The following RYR3 variants were observed in gnomAD, a reference collection of about 807,000 sequenced individuals.
The protein encoded by RYR3 is brain ryanodine receptor-calcium release channel.
RYR3 carries 207 observed loss-of-function variants against 584.3 expected under a neutral mutation model. The observed-to-expected ratio is 0.35, with a 90% confidence interval of 0.32 to 0.40. The LOEUF (loss-of-function observed/expected upper bound fraction) is 0.40. Among genes scored for constraint, RYR3 ranks in the 10% least tolerant of loss-of-function variants. RYR3 has a pLI of 1.00. For synonymous variants in RYR3, 2,416 were observed against 2,248.5 expected, an observed-to-expected ratio of 1.07 and a Z score of -2.11; for missense variants, 5,616 against 6,089.2, an observed-to-expected ratio of 0.92 and a Z score of 2.59.
intron 1 of RYR3, among the ~76,000 whole-genome samples, chr15:33,396,429 G>A (rs1007682623): frequency 5.3e-5 from 8 of 152,176 alleles, no homozygotes; most frequent in Non-Finnish European, 7.3e-5. Context: ...CTGCCCACCC[G>A]AGGGACACTT....
At chr15:33,746,532 C>T (rs954079520) in intron 53 of RYR3, among the ~76,000 whole-genome samples, 3 of 152,064 alleles carry the variant, frequency 2.0e-5, no homozygotes, top group Non-Finnish European at 4.4e-5. Flanking sequence ...GGTGTGGTGG[C>T]TCATGCCTGT....
chr15:33,751,769 C>G (rs1270945037), intron 57 of RYR3, among the ~76,000 whole-genome samples: 1 of 152,028 alleles, frequency 6.6e-6, no homozygotes, highest in Non-Finnish European at 1.5e-5. Flanking sequence ...CTTTTGTTGC[C>G]ATTGATTTTG....
At chr15:33,569,248 A>G (rs551629082) in intron 12 of RYR3, among the ~76,000 whole-genome samples, 1 of 152,216 alleles carries the variant, frequency 6.6e-6, no homozygotes, top group African/African-American at 2.4e-5. Flanking sequence ...ATAAATTTGT[A>G]TAACTTTTTG....
In RYR3 at chr15:33,580,051, C is replaced by T. The variant is rs112038923; in HGVS notation, c.1344C>T (p.Ala448=). ...TGCAGACCCTACAGGACTTGATCGC[C>T]TACTTCCAGCCCCCAGAGGAGGAGA... ...EVLQTLQDLI[A]YFQPPEEEMR... Residue 448 remains alanine (A), a synonymous_variant, in exon 13 of 104, where the codon GCC becomes GCT. Coordinates refer to ENST00000634891, the MANE Select transcript of RYR3 (RefSeq NM_001036.6). 35 of 1,613,652 alleles carry T rather than the reference C, an allele frequency of 2.2e-5. No individual in the cohort carries two copies. The highest frequency in any genetic ancestry group is 2.1e-4 in the African/African-American group (16 of 74,914).
In RYR3 at chr15:33,742,652, C is replaced by T. The variant is rs74005979; in HGVS notation, c.7899+208C>T. 8.9e-3 allele frequency among the ~76,000 whole-genome samples: 1,354 copies of T among 152,268 alleles called. 17 individuals carry two copies. Among genetic ancestry groups the T allele is most frequent in the African/African-American group, 0.031 (1,307 of 41,536 alleles). The stretch of plus-strand genomic sequence containing the variant: ...AGCTGCTGGTGTTGCTTTTGTATTT[C>T]TCAAGAAAATGATCAATTCTGGAAG... On this transcript the variant is annotated intron_variant, in intron 52 of 103. Coordinates refer to ENST00000634891, the MANE Select transcript of RYR3 (RefSeq NM_001036.6).
At chr15:33,425,735 G>A (rs568884382) in intron 1 of RYR3, among the ~76,000 whole-genome samples, 180 of 145,556 alleles carry the variant, frequency 1.2e-3, no homozygotes, top group African/African-American at 4.2e-3. Flanking sequence ...TCCGCCTCCC[G>A]GGTTCATGCC....
At position 33,670,477 on chromosome 15, in the gene RYR3, C is replaced by T; in HGVS notation, c.5781C>T (p.Leu1927=). The change falls in exon 38 of 104, where the codon CTC becomes CTT. Residue 1927 remains leucine (L), a synonymous_variant. Transcript: ENST00000634891. The part of the protein sequence containing the change: ...EEEDTSWTGK[L]CALVYKIKGP... ...AGGACACCTCCTGGACAGGAAAACT[C>T]TGTGCCTTGGTTTACAAAATCAAAG... is the stretch of plus-strand genomic sequence containing the variant. The T allele has an allele frequency of 6.2e-7, 1 of 1,611,430 alleles. No homozygotes were observed.
chr15:33,726,731 G>A (rs1392963495), intron 46 of RYR3, among the ~76,000 whole-genome samples: 1 of 152,204 alleles, frequency 6.6e-6, no homozygotes, highest in Middle Eastern at 3.2e-3. Context: ...ATCGACTCCT[G>A]ATTCCTAGCA....
intron 2 of RYR3, among the ~76,000 whole-genome samples, chr15:33,499,717 C>A (rs1207227953): frequency 6.6e-6 from 1 of 152,174 alleles, no homozygotes; most frequent in Non-Finnish European, 1.5e-5. Context: ...GAAACAAAGG[C>A]ATGTGTAACA....
intron 67 of RYR3, among the ~76,000 whole-genome samples, chr15:33,790,578 C>A (rs116650863): frequency 4.6e-5 from 7 of 152,104 alleles, no homozygotes; most frequent in African/African-American, 1.7e-4. Context: ...AGGGGAAGAT[C>A]AGGAGATCAC....
intron 1 of RYR3, among the ~76,000 whole-genome samples, chr15:33,463,275 T>C (rs117563873): frequency 4.7e-4 from 72 of 152,284 alleles, no homozygotes; most frequent in East Asian, 1.5e-3. Context: ...GTAAAAATTA[T>C]GATTTGCTGT....
chr15:33,472,416 A>G (rs893828349), intron 1 of RYR3, among the ~76,000 whole-genome samples: 1 of 152,212 alleles, frequency 6.6e-6, no homozygotes, highest in Non-Finnish European at 1.5e-5. Context: ...CAACAAGACA[A>G]TCTCTGACAC....
intron 3 of RYR3, among the ~76,000 whole-genome samples, chr15:33,517,327 C>G (rs1386959763): frequency 1.3e-5 from 2 of 152,132 alleles, no homozygotes; most frequent in African/African-American, 2.4e-5. Context: ...CTGATTTTGT[C>G]TTTATAATCC....
At chr15:33,610,985 A>G (rs140342610) in intron 18 of RYR3, among the ~76,000 whole-genome samples, 127 of 152,300 alleles carry the variant, frequency 8.3e-4, no homozygotes, top group African/African-American at 2.9e-3. Context: ...TTTTTAGATT[A>G]AGGATGCTCA....
In RYR3 at chr15:33,647,501, C is replaced by A. The variant is rs757319218; in HGVS notation, c.3978+41C>A. On this transcript the variant is annotated intron_variant, in intron 30 of 103. Coordinates refer to ENST00000634891, the MANE Select transcript of RYR3 (RefSeq NM_001036.6). ...CAATTATGGTTTTAATTATTTGATT[C>A]TTTGTTGTGCCTGGTAATATGCCCC... The A allele has an allele frequency of 1.5e-5, 22 of 1,449,320 alleles. No individual in the cohort carries two copies. In the South Asian group the frequency reaches 2.3e-4, roughly 15 times the overall value. The allele number at this position is 1,449,320 out of a possible 1,614,324, so 89.8% of individuals were successfully genotyped here. A position where few individuals can be genotyped will look rare whatever the true frequency, so the allele number is the denominator to read the frequency against.
At position 33,719,265 on chromosome 15, in the gene RYR3, C is replaced by T. The variant is rs192528753; in HGVS notation, c.6620-3450C>T. 1.6e-3 allele frequency among the ~76,000 whole-genome samples: 248 copies of T among 152,350 alleles called. 1 individual carries two copies. Among genetic ancestry groups the T allele is most frequent in the Non-Finnish European group, 3.0e-3 (205 of 68,026 alleles). On this transcript the variant is annotated intron_variant, in intron 43 of 103. Transcript: ENST00000634891. Reference sequence around the variant, plus strand: ...AGGAGCAGACCCAATTAGTTCAGTTCTGAAGGCCTGAGACTCATAAAATAA... The same window carrying T: ...AGGAGCAGACCCAATTAGTTCAGTTTTGAAGGCCTGAGACTCATAAAATAA...
chr15:33,460,979 G>C (rs1034954574), intron 1 of RYR3, among the ~76,000 whole-genome samples: 25 of 103,808 alleles, frequency 2.4e-4, no homozygotes, highest in African/African-American at 5.2e-4. Flanking sequence ...GAGTCTCGCT[G>C]TGTCGCCCAG....
intron 65 of RYR3, among the ~76,000 whole-genome samples, chr15:33,783,834 G>A (rs1337820190): frequency 6.6e-6 from 1 of 152,150 alleles, no homozygotes; most frequent in South Asian, 2.1e-4. Context: ...TTGTTGTCCT[G>A]CTGCAAGATG....
intron 1 of RYR3, among the ~76,000 whole-genome samples, chr15:33,453,701 A>G (rs2047320128): frequency 6.6e-6 from 1 of 152,208 alleles, no homozygotes. Context: ...AACAGTTGCC[A>G]CGCAGTTTCC....
Sources: gnomAD v4.1 joint callset for allele counts (sites outside exome capture counted in the v4.1 genomes callset) on GRCh38, gnomAD v4.1.1 for gene constraint, MANE v1.5 for transcripts, NCBI Gene and HGNC (gene_info 2026-07-23, HGNC 2026-07-21) for gene names.